Variants in YPEL5 observed in about 807,000 individuals in gnomAD.
YPEL5 encodes the protein yippee like 5.
A neutral mutation model predicts 10.5 loss-of-function variants in YPEL5; 1 was observed. That is an observed-to-expected ratio of 0.10 (90% confidence interval 0.03 to 0.45). The LOEUF is 0.45. Ranked by LOEUF, YPEL5 falls within the 20% of genes least tolerant of loss-of-function variation. The probability of loss-of-function intolerance (pLI) is 0.97; values close to 1 mark genes in which losing one functional copy is unlikely to be tolerated. For synonymous variants in YPEL5, 61 were observed against 56.6 expected, an observed-to-expected ratio of 1.08 and a Z score of -0.35; for missense variants, 68 against 159.3, an observed-to-expected ratio of 0.43 and a Z score of 3.09.
chr2:30,152,890 GTTT>G (rs373848986), intron 1 of YPEL5, among the ~76,000 whole-genome samples: 12,718 of 122,846 alleles, frequency 0.1, 1,211 homozygotes, highest in East Asian at 0.54. Flanking sequence ...ACTGTCCTTT[GTTT>G]TTTTTTTTTT....
At chr2:30,149,701 T>A (rs974641925) in intron 1 of YPEL5, among the ~76,000 whole-genome samples, 1 of 152,214 alleles carries the variant, frequency 6.6e-6, no homozygotes, top group Non-Finnish European at 1.5e-5. Context: ...CAAAACCACC[T>A]CTGCAAGGGG....
At chr2:30,155,427 A>G (rs1054478413) in intron 1 of YPEL5, among the ~76,000 whole-genome samples, 27 of 152,224 alleles carry the variant, frequency 1.8e-4, no homozygotes, top group African/African-American at 5.8e-4. Flanking sequence ...TCTTAAGACA[A>G]CAGTAGATTC....
chr2:30,153,470 T>C lies in YPEL5; in HGVS notation c.-24-3158T>C, dbSNP rs78372670. On this transcript the variant is annotated intron_variant, in intron 1 of 2. Transcript: ENST00000261353. ...CTTGTGACCTAATCACCTGGTAATA[T>C]CACATATGAATGGTGGGGGCTACAC... 8.1e-3 allele frequency among the ~76,000 whole-genome samples: 1,234 copies of C among 152,272 alleles called. 21 individuals are homozygous for C. Among genetic ancestry groups the C allele is most frequent in the African/African-American group, 0.028 (1,183 of 41,530 alleles).
At position 30,157,086 on chromosome 2, in the gene YPEL5, C is replaced by A. The variant is rs1335332760; in HGVS notation, c.141+294C>A. ...GATCACGAGGTCAGGAGTTCAAGAC[C>A]AGCCTGGCCAACATGGTGAAACACC... On this transcript the variant is annotated intron_variant, in intron 2 of 2. Coordinates refer to ENST00000261353, the MANE Select transcript of YPEL5 (RefSeq NM_016061.3). Among the ~76,000 whole-genome samples the A allele has an allele frequency of 2.6e-5, 4 of 152,096 alleles. No individual in the cohort carries two copies. In the East Asian group the frequency reaches 7.7e-4, roughly 29 times the overall value.
At position 30,158,660 on chromosome 2, in the gene YPEL5, G is replaced by C. The variant is rs748256718; in HGVS notation, c.183G>C (p.Met61Ile). 6.2e-7 allele frequency: 1 copy of C among 1,614,008 alleles called. No homozygotes were observed. Among genetic ancestry groups the C allele is most frequent in the Non-Finnish European group, 8.5e-7 (1 of 1,180,040 alleles). ...ACAGTGAAGTTCAAGATCGGGTCAT[G>C]CTCACTGGCCGCCACATGGTTCGAG... ...LQYSEVQDRVMLTGRHMVRDV... is the reference protein window; with the variant it reads ...LQYSEVQDRVILTGRHMVRDV... The change falls in exon 3 of 3, where the codon ATG becomes ATC. Residue 61 changes from methionine (M) to isoleucine (I), a missense_variant. Physicochemically the swap from Met to Ile is conservative, Grantham distance 10 (BLOSUM62 1). Coordinates refer to ENST00000261353, the MANE Select transcript of YPEL5 (RefSeq NM_016061.3).
intron 2 of YPEL5, among the ~76,000 whole-genome samples, chr2:30,158,119 T>C (rs868019271): frequency 5.3e-5 from 8 of 152,350 alleles, no homozygotes; most frequent in Middle Eastern, 3.4e-3. Flanking sequence ...TTTAAAACTA[T>C]GTACTGCAGA....
At chr2:30,155,055 A>G (rs1675978896) in intron 1 of YPEL5, among the ~76,000 whole-genome samples, 1 of 152,216 alleles carries the variant, frequency 6.6e-6, no homozygotes, top group South Asian at 2.1e-4. Context: ...TGTATTCTTA[A>G]TCATCTGGAA....
intron 1 of YPEL5, chr2:30,148,492 T>C (rs7588777): frequency 0.8 from 121,906 of 152,198 alleles, 49,353 homozygotes; most frequent in East Asian, 0.96. Context: ...AGTGAAGTGC[T>C]TTGGTGAATT....
rs779030164 is a variant in YPEL5 at position 30,160,153 on chromosome 2, TTGAA to T, written c.*1321_*1324del. 1.4e-4 allele frequency: 21 copies of T among 152,780 alleles called. No individual in the cohort carries two copies. Among genetic ancestry groups the T allele is most frequent in the East Asian group, 5.8e-4 (3 of 5,186 alleles). 9.5% of individuals were successfully genotyped at this position (152,780 alleles called of 1,614,324 possible). A position where few individuals can be genotyped will look rare whatever the true frequency, so the allele number is the denominator to read the frequency against. On this transcript the variant is annotated 3_prime_UTR_variant, in exon 3 of 3. Transcript: ENST00000261353. ...AATGACGGTAAAATTGGCTAATTAT[TTGAA>T]TGAATGAATGGATGGATGTTTTGCA...
At chr2:30,147,852 A>ACCG (rs985709712) in intron 1 of YPEL5, 13 of 152,408 alleles carry the variant, frequency 8.5e-5, no homozygotes, top group African/African-American at 1.5e-4. Context: ...CCCCGCCGCC[A>ACCG]CCGCCGCCGC....
intron 1 of YPEL5, among the ~76,000 whole-genome samples, chr2:30,151,426 A>G (rs1558355549): frequency 6.6e-6 from 1 of 152,202 alleles, no homozygotes; most frequent in Admixed American, 6.5e-5. Context: ...TAAATATGCT[A>G]TTGGTGAGAG....
chr2:30,158,220 A>G (rs1016131476), intron 2 of YPEL5, among the ~76,000 whole-genome samples: 1 of 152,250 alleles, frequency 6.6e-6, no homozygotes, highest in African/African-American at 2.4e-5. Context: ...TGGAATAACT[A>G]TGGTGCATTA....
intron 2 of YPEL5, among the ~76,000 whole-genome samples, chr2:30,157,896 C>T (rs1158331843): frequency 6.6e-6 from 1 of 152,200 alleles, no homozygotes; most frequent in African/African-American, 2.4e-5. Flanking sequence ...TCTGCTTGTG[C>T]ATTACGTATT....
At chr2:30,149,643 G>A (rs1675687256) in intron 1 of YPEL5, among the ~76,000 whole-genome samples, 2 of 152,202 alleles carry the variant, frequency 1.3e-5, no homozygotes, top group South Asian at 4.1e-4. Flanking sequence ...AAACGAGATA[G>A]GAAAGCTGGC....
intron 2 of YPEL5, among the ~76,000 whole-genome samples, chr2:30,157,021 A>G (rs894331116): frequency 2.0e-5 from 3 of 152,194 alleles, no homozygotes; most frequent in Non-Finnish European, 4.4e-5. Flanking sequence ...ACAGTGGCTC[A>G]TGCCTGTAAT....
intron 1 of YPEL5, among the ~76,000 whole-genome samples, chr2:30,149,005 TAC>T (rs1675652893): frequency 6.6e-6 from 1 of 152,214 alleles, no homozygotes; most frequent in African/African-American, 2.4e-5. Flanking sequence ...CTGAAGTTGC[TAC>T]TTGACACTTG....
chr2:30,148,692 A>G (rs1675635479), intron 1 of YPEL5, among the ~76,000 whole-genome samples: 1 of 152,224 alleles, frequency 6.6e-6, no homozygotes, highest in Admixed American at 6.5e-5. Context: ...ACCTGGTTGG[A>G]TCATTGCGAA....
rs1676161203 is a variant in YPEL5, at chr2:30,158,956, A to T, written c.*113A>T. On this transcript the variant is annotated 3_prime_UTR_variant, in exon 3 of 3. Transcript: ENST00000261353. ...TCGGATTAATGAACTGCGGAACAAGAGGTTGTGAGAATCTAAGATGGAACC... is the reference window on the plus strand; with the variant it reads ...TCGGATTAATGAACTGCGGAACAAGTGGTTGTGAGAATCTAAGATGGAACC... The T allele has an allele frequency of 1.0e-6, 1 of 972,028 alleles. No homozygotes were observed. The highest frequency in any genetic ancestry group is 2.7e-5 in the Admixed American group (1 of 36,370). 60.2% of individuals were successfully genotyped at this position (972,028 alleles called of 1,614,324 possible).
At chr2:30,156,095 C>A (rs1173487505) in intron 1 of YPEL5, among the ~76,000 whole-genome samples, 1 of 152,162 alleles carries the variant, frequency 6.6e-6, no homozygotes, top group Non-Finnish European at 1.5e-5. Flanking sequence ...TTAGTCATCA[C>A]CTCTATAGTT....
Sources: allele counts gnomAD v4.1 joint callset (sites outside exome capture counted in the v4.1 genomes callset), GRCh38; gene constraint gnomAD v4.1.1; transcripts MANE v1.5; gene names NCBI Gene and HGNC (gene_info 2026-07-23, HGNC 2026-07-21).